PI4K2B: variants seen among roughly 807,000 people sequenced by gnomAD.
PI4K2B encodes the protein phosphatidylinositol 4-kinase type 2-beta.
In PI4K2B, 46 loss-of-function variants were observed where a neutral mutation model predicts 56.6. The observed-to-expected ratio is 0.81, with a 90% CI of 0.64 to 1.04. The LOEUF (loss-of-function observed/expected upper bound fraction) is 1.04, where lower values mean the gene tolerates loss of function less well. Among genes scored for constraint, PI4K2B ranks in the 50% least tolerant of loss-of-function variants. The pLI is 0.00. For missense variants in PI4K2B, 556 were observed against 607.7 expected (o/e 0.91, Z 0.89); for synonymous variants, 211 against 223.8 (o/e 0.94, Z 0.51).
At position 25,277,024 on chromosome 4, in the gene PI4K2B, T is replaced by G; in HGVS notation, c.1283T>G (p.Leu428Arg). Residue 428 changes from leucine (L) to arginine (R), a missense_variant, in exon 10 of 10, where the codon CTT becomes CGT. Leu to Arg is a moderately radical substitution (Grantham distance 102). Coordinates refer to ENST00000264864, the MANE Select transcript of PI4K2B (RefSeq NM_018323.4). ...MSVMRGQILN[L>R]TQALRDGKSP... ...CTCTTCTTCCCACAGATCTTAAACC[T>G]TACTCAGGCATTGAGAGACGGGAAG... 1.3e-6 allele frequency: 2 copies of G among 1,586,304 alleles called. No individual in the cohort carries two copies. The highest frequency in any genetic ancestry group is 1.7e-6 in the Non-Finnish European group (2 of 1,160,336).
chr4:25,235,348 A>G (rs751772927), intron 1 of PI4K2B, among the ~76,000 whole-genome samples: 8 of 152,336 alleles, frequency 5.3e-5, no homozygotes, highest in Non-Finnish European at 1.0e-4. Context: ...ACCACAGAAA[A>G]TGGAAGTTTC....
At chr4:25,234,494 C>T (rs890656709) in intron 1 of PI4K2B, 63 bp downstream of exon 1, 2 of 1,143,232 alleles carry the variant, frequency 1.7e-6, no homozygotes, top group Non-Finnish European at 2.2e-6. Flanking sequence ...TCGCCCGGCT[C>T]GGTCCTGTCT....
intron 9 of PI4K2B, among the ~76,000 whole-genome samples, chr4:25,273,603 G>T (rs1318946884): frequency 6.6e-6 from 1 of 152,150 alleles, no homozygotes; most frequent in African/African-American, 2.4e-5. Flanking sequence ...GTGAAATAAG[G>T]GCGCCTGCCA....
Position 25,278,059 on chromosome 4 carries a change from G to C in PI4K2B, c.*872G>C, listed in dbSNP as rs1048329859. The C allele has an allele frequency of 2.0e-5, 3 of 152,086 alleles. No homozygotes were observed. The highest frequency in any genetic ancestry group is 7.2e-5 in the African/African-American group (3 of 41,424). The allele number at this position is 152,086 out of a possible 1,614,324, so 9.4% of individuals were successfully genotyped here. On this transcript the variant is annotated 3_prime_UTR_variant, in exon 10 of 10. Transcript: ENST00000264864. Reference sequence around the variant, plus strand: ...AAACCATACTCCAAATTGTATATTGGATTGCATTTTGGGGTCCTAGGTCAT... The same window carrying C: ...AAACCATACTCCAAATTGTATATTGCATTGCATTTTGGGGTCCTAGGTCAT...
intron 1 of PI4K2B, 106 bp from the exon 2 acceptor site, chr4:25,252,215 C>A: frequency 1.5e-6 from 1 of 665,248 alleles, no homozygotes; most frequent in Non-Finnish European, 2.5e-6. Context: ...CTATACAAAT[C>A]TTGATTACAT....
At chr4:25,245,981 G>T (rs1715751120) in intron 1 of PI4K2B, among the ~76,000 whole-genome samples, 1 of 152,118 alleles carries the variant, frequency 6.6e-6, no homozygotes, top group Non-Finnish European at 1.5e-5. Flanking sequence ...CCCTCCCAAT[G>T]AGTGTTACAG....
chr4:25,238,354 T>A (rs1015892340), intron 1 of PI4K2B, among the ~76,000 whole-genome samples: 1 of 152,208 alleles, frequency 6.6e-6, no homozygotes, highest in Admixed American at 6.5e-5. Flanking sequence ...GTGATTAAAG[T>A]GATTAATTTC....
At chr4:25,241,333 C>T (rs573313170) in intron 1 of PI4K2B, among the ~76,000 whole-genome samples, 11 of 152,328 alleles carry the variant, frequency 7.2e-5, no homozygotes, top group Middle Eastern at 3.4e-3. Flanking sequence ...ACCTGCCCTT[C>T]GTATCCCATT....
At chr4:25,234,797 C>A (rs1715179070) in intron 1 of PI4K2B, among the ~76,000 whole-genome samples, 1 of 152,222 alleles carries the variant, frequency 6.6e-6, no homozygotes, top group African/African-American at 2.4e-5. Flanking sequence ...CTTGAACTCT[C>A]AGGAAAGTTC....
chr4:25,240,308 G>T (rs577568400), intron 1 of PI4K2B, among the ~76,000 whole-genome samples: 6 of 152,200 alleles, frequency 3.9e-5, no homozygotes, highest in South Asian at 2.1e-4. Context: ...AGGCCTTGGC[G>T]GTTTTGGAGA....
At chr4:25,276,726 T>A (rs1717109397) in intron 9 of PI4K2B, 1 of 985,400 alleles carries the variant, frequency 1.0e-6, no homozygotes, top group African/African-American at 1.7e-5. Context: ...TTTGATTCCA[T>A]TGCTCCTGGA....
intron 5 of PI4K2B, among the ~76,000 whole-genome samples, chr4:25,260,207 AG>A (rs1483306327): frequency 6.6e-6 from 1 of 152,174 alleles, no homozygotes; most frequent in Non-Finnish European, 1.5e-5. Context: ...CCTAAAGTGA[AG>A]AAAAGCTCTT....
intron 1 of PI4K2B, among the ~76,000 whole-genome samples, chr4:25,247,098 C>T (rs959410654): frequency 2.0e-4 from 30 of 152,364 alleles, no homozygotes; most frequent in South Asian, 6.2e-4. Flanking sequence ...TCCTCAGGCA[C>T]GGCCAGAGTG....
chr4:25,259,280 G>A (rs1003472448), intron 5 of PI4K2B, 90 bp downstream of exon 5: 269 of 916,360 alleles, frequency 2.9e-4, no homozygotes, highest in East Asian at 5.9e-4. Flanking sequence ...AACTTTTGTT[G>A]CAGAAGTCTT....
Position 25,247,000 on chromosome 4 carries a change from C to G in PI4K2B, c.269-5321C>G, listed in dbSNP as rs375160474. On this transcript the variant is annotated intron_variant, in intron 1 of 9. Coordinates refer to ENST00000264864, the MANE Select transcript of PI4K2B (RefSeq NM_018323.4). ...CCAGTTCCCACCCGCACCTGTCCCTCCACACCTCCCCACAAGCTGAGGGAG... is the reference window on the plus strand; with the variant it reads ...CCAGTTCCCACCCGCACCTGTCCCTGCACACCTCCCCACAAGCTGAGGGAG... Among the ~76,000 whole-genome samples, 178 of 152,372 alleles carry G rather than the reference C, an allele frequency of 1.2e-3. 2 individuals carry two copies. The South Asian group carries it at 0.022, about 18-fold the overall frequency.
intron 9 of PI4K2B, among the ~76,000 whole-genome samples, chr4:25,272,771 G>A (rs760460970): frequency 2.0e-5 from 3 of 152,138 alleles, no homozygotes; most frequent in Non-Finnish European, 4.4e-5. Context: ...GCCAAGGTGG[G>A]TGGATTGCTT....
intron 8 of PI4K2B, 109 bp downstream of exon 8, chr4:25,268,685 A>T: frequency 2.9e-6 from 2 of 694,486 alleles, no homozygotes; most frequent in Non-Finnish European, 2.3e-6. Context: ...GCTGCTTGCC[A>T]TAAAACCTGA....
In PI4K2B at chr4:25,256,581, G is replaced by T; in HGVS notation, c.663G>T (p.Ala221=). ...TCAGTGAGACATTTAACTATAATGC[G>T]ATTGACCGTGCAAAATCAAGAGGCA... The part of the protein sequence containing the change: ...WLVSETFNYN[A]IDRAKSRGKK... The change falls in exon 4 of 10, where the codon GCG becomes GCT. Residue 221 remains alanine, a synonymous_variant. Transcript: ENST00000264864. 6.2e-7 allele frequency: 1 copy of T among 1,613,674 alleles called. No individual in the cohort carries two copies. The highest frequency in any genetic ancestry group is 1.3e-5 in the African/African-American group (1 of 74,976).
At chr4:25,260,768 C>T (rs1278770179) in intron 6 of PI4K2B, among the ~76,000 whole-genome samples, 177 bp downstream of exon 6, 2 of 149,498 alleles carry the variant, frequency 1.3e-5, no homozygotes, top group African/African-American at 4.9e-5. Flanking sequence ...TCACCATTTC[C>T]TCCTTCTTTC....
Sources: gnomAD v4.1 joint callset for allele counts (sites outside exome capture counted in the v4.1 genomes callset) on GRCh38, gnomAD v4.1.1 for gene constraint, MANE v1.5 for transcripts, NCBI Gene and HGNC (gene_info 2026-07-23, HGNC 2026-07-21) for gene names.